KCNH1: variants seen among roughly 807,000 people sequenced by gnomAD.
The protein encoded by KCNH1 is potassium voltage-gated channel subfamily H member 1.
A neutral mutation model predicts 69.2 loss-of-function variants in KCNH1; 27 were observed. The observed-to-expected ratio is 0.39, with a 90% CI of 0.29 to 0.54. The LOEUF (loss-of-function observed/expected upper bound fraction) is 0.54. KCNH1 is among the 20% of genes least tolerant of loss of function. KCNH1 has a pLI of 0.68. For missense variants in KCNH1, 798 were observed against 1,261.6 expected (o/e 0.63, Z 5.57); for synonymous variants, 456 against 487.7 (o/e 0.93, Z 0.86).
chr1:210,930,716 A>C (rs781681959), intron 6 of KCNH1, among the ~76,000 whole-genome samples: 2 of 152,248 alleles, frequency 1.3e-5, no homozygotes, highest in African/African-American at 2.4e-5. Context: ...GCTTCTGCAC[A>C]GCAAAAGAAA....
At chr1:210,711,959 CAT>C (rs532881438) in intron 10 of KCNH1, among the ~76,000 whole-genome samples, 14 of 152,190 alleles carry the variant, frequency 9.2e-5, no homozygotes, top group Non-Finnish European at 1.9e-4. Context: ...CACAGTCCCA[CAT>C]ATGTTATTGT....
At chr1:210,709,595 C>T (rs938481648) in intron 10 of KCNH1, among the ~76,000 whole-genome samples, 3 of 151,728 alleles carry the variant, frequency 2.0e-5, no homozygotes, top group Non-Finnish European at 2.9e-5. Flanking sequence ...AGAGTCAGAC[C>T]CATAATTCTA....
rs112733198 is a variant in KCNH1, at chr1:210,790,422, T to G, written c.1915+7086A>C. Reference sequence around the variant, plus strand: ...CTCATCAGAATCGCCTCTCTTGCTTTCCTGTCTTTGCTCCCCACATCCTGC... The same window carrying G: ...CTCATCAGAATCGCCTCTCTTGCTTGCCTGTCTTTGCTCCCCACATCCTGC... On this transcript the variant is annotated intron_variant, in intron 9 of 10. Transcript: ENST00000271751. Among the ~76,000 whole-genome samples the G allele has an allele frequency of 1.7e-3, 264 of 152,322 alleles. 1 individual carries two copies. Among genetic ancestry groups the G allele is most frequent in the African/African-American group, 6.0e-3 (250 of 41,568 alleles).
At chr1:210,874,308 T>TA (rs941426931) in intron 7 of KCNH1, among the ~76,000 whole-genome samples, 22 of 152,174 alleles carry the variant, frequency 1.4e-4, no homozygotes, top group African/African-American at 5.3e-4. Context: ...TCTCACAATG[T>TA]AAGAGAATAA....
intron 5 of KCNH1, among the ~76,000 whole-genome samples, chr1:211,054,937 T>C (rs1047863658): frequency 1.3e-5 from 2 of 152,040 alleles, no homozygotes; most frequent in African/African-American, 2.4e-5. Context: ...ACCAGAATAA[T>C]AGCAGGCATA....
At chr1:211,025,867 C>T (rs1689673365) in intron 5 of KCNH1, among the ~76,000 whole-genome samples, 1 of 152,112 alleles carries the variant, frequency 6.6e-6, no homozygotes, top group Admixed American at 6.5e-5. Flanking sequence ...GCTAAACCAT[C>T]ACAGCTGTAA....
chr1:210,982,798 C>A (rs903037994), intron 6 of KCNH1, among the ~76,000 whole-genome samples: 10 of 152,318 alleles, frequency 6.6e-5, no homozygotes, highest in African/African-American at 2.4e-4. Context: ...AATGGGATGG[C>A]TGGGTCAAAT....
intron 5 of KCNH1, among the ~76,000 whole-genome samples, chr1:211,024,257 G>A (rs1689641380): frequency 1.3e-5 from 2 of 152,106 alleles, no homozygotes; most frequent in Non-Finnish European, 2.9e-5. Context: ...AGAACACTGT[G>A]ATTTGATAAA....
chr1:210,695,615 C>A (rs1443432503), intron 10 of KCNH1, among the ~76,000 whole-genome samples: 1 of 152,140 alleles, frequency 6.6e-6, no homozygotes, highest in Admixed American at 6.5e-5. Flanking sequence ...TTTGTGACCC[C>A]AAAACTAGAA....
chr1:210,820,311 G>A (rs1476656171), intron 7 of KCNH1, among the ~76,000 whole-genome samples: 1 of 152,094 alleles, frequency 6.6e-6, no homozygotes, highest in Non-Finnish European at 1.5e-5. Context: ...CTAATTCCTA[G>A]AACCTATGAC....
At chr1:210,926,797 A>G (rs997671776) in intron 6 of KCNH1, among the ~76,000 whole-genome samples, 8 of 152,174 alleles carry the variant, frequency 5.3e-5, no homozygotes, top group African/African-American at 1.9e-4. Context: ...GTGAAGTCCA[A>G]CTTAAAGAAA....
chr1:210,987,980 T>C (rs1368521750), intron 6 of KCNH1, among the ~76,000 whole-genome samples: 1 of 152,202 alleles, frequency 6.6e-6, no homozygotes, highest in African/African-American at 2.4e-5. Flanking sequence ...GCCTGGGCAA[T>C]GGCAGGCGCC....
intron 10 of KCNH1, among the ~76,000 whole-genome samples, chr1:210,710,433 A>G (rs1030199574): frequency 2.0e-5 from 3 of 152,146 alleles, no homozygotes; most frequent in African/African-American, 7.2e-5. Flanking sequence ...ACAGAAAGAG[A>G]GAGATATACG....
intron 9 of KCNH1, among the ~76,000 whole-genome samples, chr1:210,776,022 G>A (rs1683852968): frequency 1.3e-5 from 2 of 152,224 alleles, no homozygotes; most frequent in African/African-American, 2.4e-5. Flanking sequence ...AGGAAAGAAT[G>A]GAGGTAGACT....
At chr1:210,879,758 A>C (rs1015999389) in intron 7 of KCNH1, among the ~76,000 whole-genome samples, 5 of 152,114 alleles carry the variant, frequency 3.3e-5, no homozygotes, top group African/African-American at 1.2e-4. Context: ...TAGCTAATGC[A>C]ATAAGATAAG....
chr1:210,835,038 G>A (rs1293551150), intron 7 of KCNH1, among the ~76,000 whole-genome samples: 1 of 152,176 alleles, frequency 6.6e-6, no homozygotes, highest in Non-Finnish European at 1.5e-5. Context: ...GCCTTCTGAA[G>A]ATAGGAGAGA....
intron 1 of KCNH1, among the ~76,000 whole-genome samples, chr1:211,123,565 G>A (rs193020489): frequency 6.6e-6 from 1 of 152,274 alleles, no homozygotes; most frequent in African/African-American, 2.4e-5. Flanking sequence ...AGACAGTGAT[G>A]AAGACAGATG....
At chr1:210,768,515 A>G (rs1683685846) in intron 10 of KCNH1, among the ~76,000 whole-genome samples, 1 of 152,012 alleles carries the variant, frequency 6.6e-6, no homozygotes, top group Non-Finnish European at 1.5e-5. Context: ...TAACACAGCT[A>G]CATACTTACC....
intron 5 of KCNH1, among the ~76,000 whole-genome samples, chr1:211,079,617 G>C (rs1042107452): frequency 1.3e-5 from 2 of 152,146 alleles, no homozygotes; most frequent in East Asian, 1.9e-4. Flanking sequence ...AGTTTATCCA[G>C]CATGATCAAG....
Sources: gnomAD v4.1 joint callset for allele counts (sites outside exome capture counted in the v4.1 genomes callset) on GRCh38, gnomAD v4.1.1 for gene constraint, MANE v1.5 for transcripts, NCBI Gene and HGNC (gene_info 2026-07-23, HGNC 2026-07-21) for gene names.